Variants in CFAP58 observed in about 807,000 individuals in gnomAD.
CFAP58 encodes the protein cilia and flagella associated protein 58.
In CFAP58, 88 loss-of-function variants were observed where a neutral mutation model predicts 119.5. The observed-to-expected ratio is 0.74, with a 90% CI of 0.62 to 0.88. CFAP58 has a LOEUF of 0.88. Ranked by LOEUF, CFAP58 falls within the 40% of genes least tolerant of loss-of-function variation. The probability of loss-of-function intolerance (pLI) is 0.00; values close to 1 mark genes in which losing one functional copy is unlikely to be tolerated. For missense variants in CFAP58, 990 were observed against 1,021.2 expected, an observed-to-expected ratio of 0.97 and a Z score of 0.42; for synonymous variants, 365 against 366.3, an observed-to-expected ratio of 1.00 and a Z score of 0.04.
chr10:104,408,886 G>A (rs1292196952), intron 15 of CFAP58, among the ~76,000 whole-genome samples: 1 of 152,138 alleles, frequency 6.6e-6, no homozygotes, highest in Non-Finnish European at 1.5e-5. Context: ...GATTGCTTGA[G>A]CTCAGGAGTT....
intron 15 of CFAP58, among the ~76,000 whole-genome samples, chr10:104,444,696 T>G (rs966211289): frequency 3.3e-5 from 5 of 152,134 alleles, no homozygotes; most frequent in Non-Finnish European, 5.9e-5. Context: ...ATCAGACAGG[T>G]TTTCCACTGT....
At chr10:104,356,247 A>G (rs1377257903) in intron 1 of CFAP58, among the ~76,000 whole-genome samples, 2 of 152,234 alleles carry the variant, frequency 1.3e-5, no homozygotes, top group Non-Finnish European at 2.9e-5. Context: ...TTTTGCTTGC[A>G]TGTCATCGTT....
intron 15 of CFAP58, among the ~76,000 whole-genome samples, chr10:104,427,573 C>T (rs926951687): frequency 2.0e-5 from 3 of 152,176 alleles, no homozygotes; most frequent in African/African-American, 7.2e-5. Flanking sequence ...ATTTAGTGCT[C>T]ACACCGATTA....
chr10:104,388,263 C>T (rs578112265), intron 9 of CFAP58, among the ~76,000 whole-genome samples: 19 of 152,226 alleles, frequency 1.2e-4, no homozygotes, highest in South Asian at 4.2e-4. Flanking sequence ...TATTATGTAA[C>T]GTGACGTAGT....
the CFAP58 span, among the ~76,000 whole-genome samples, chr10:104,344,685 G>A: frequency 1.3e-5 from 2 of 151,856 alleles, no homozygotes; most frequent in Non-Finnish European, 2.9e-5. Flanking sequence ...GGTCTCTGCT[G>A]TCCTAGAGGT....
chr10:104,354,049 C>T, intron 1 of CFAP58, 143 bp downstream of exon 1: 2 of 1,042,532 alleles, frequency 1.9e-6, no homozygotes, highest in Non-Finnish European at 2.8e-6. Flanking sequence ...ACTCCCGCGC[C>T]TTTCTCCGTT....
At chr10:104,351,332 C>T (rs1373382506), upstream of CFAP58, among the ~76,000 whole-genome samples, 1 of 152,206 alleles carries the variant, frequency 6.6e-6, no homozygotes, top group Non-Finnish European at 1.5e-5. Flanking sequence ...ATTCATCAAC[C>T]CAACACAGTT....
At chr10:104,395,071 T>A (rs377408758) in intron 11 of CFAP58, among the ~76,000 whole-genome samples, 1 of 152,228 alleles carries the variant, frequency 6.6e-6, no homozygotes. Context: ...TATTACTCCA[T>A]AATGGGGTCC....
In CFAP58 at chr10:104,357,877, G is replaced by GTACATATA. The variant is rs1401475664; in HGVS notation, c.10-460_10-459insTATATACA. ...TATATACACATATATACACATATATGTACACATATATAAACATATATGTAC... is the reference window on the plus strand; with the variant it reads ...TATATACACATATATACACATATATGTACATATATACACATATATAAACATATATGTAC... On this transcript the variant is annotated intron_variant, in intron 1 of 17. Coordinates refer to ENST00000369704, the MANE Select transcript of CFAP58 (RefSeq NM_001008723.2). 3.6e-4 allele frequency among the ~76,000 whole-genome samples: 33 copies of GTACATATA among 90,846 alleles called. No homozygotes were observed. The East Asian group carries it at 6.7e-3, about 18-fold the overall frequency. 59.6% of individuals were successfully genotyped at this position (90,846 alleles called of 152,430 possible).
chr10:104,380,147 A>T lies in CFAP58; in HGVS notation c.1292A>T (p.Gln431Leu). ...AACTACAAGGATGAGGCTCAGAAGC[A>T]GAGAAAGATCATCTTTCATCTGGAA... ...IQNYKDEAQK[Q>L]RKIIFHLEKE... is the part of the protein sequence containing the mutation. Residue 431 changes from glutamine to leucine, a missense_variant, in exon 9 of 18, where the codon CAG becomes CTG. Physicochemically the swap from Gln to Leu is moderately radical, Grantham distance 113. Coordinates refer to ENST00000369704, the MANE Select transcript of CFAP58 (RefSeq NM_001008723.2). 6.2e-7 allele frequency: 1 copy of T among 1,614,194 alleles called. No individual in the cohort carries two copies. The highest frequency in any genetic ancestry group is 1.3e-5 in the African/African-American group (1 of 75,060).
At chr10:104,342,904 A>G in the CFAP58 span, among the ~76,000 whole-genome samples, 1 of 149,718 alleles carries the variant, frequency 6.7e-6, no homozygotes, top group South Asian at 2.1e-4. Context: ...ACTGCAGGGG[A>G]GCTTCACACC....
intron 6 of CFAP58, 142 bp from the exon 7 acceptor site, chr10:104,370,753 G>A (rs771893528): frequency 5.8e-5 from 37 of 635,258 alleles, no homozygotes; most frequent in Non-Finnish European, 9.0e-5. Context: ...AAACCAAATT[G>A]TGTGTGCTTG....
intron 3 of CFAP58, 81 bp downstream of exon 3, chr10:104,362,252 G>T (rs951062830): frequency 2.4e-6 from 3 of 1,257,464 alleles, no homozygotes; most frequent in African/African-American, 1.5e-5. Context: ...GCTTGCCAGT[G>T]TCTTCTTGAA....
At chr10:104,418,326 A>G (rs983419989) in intron 15 of CFAP58, among the ~76,000 whole-genome samples, 1 of 152,184 alleles carries the variant, frequency 6.6e-6, no homozygotes, top group Non-Finnish European at 1.5e-5. Flanking sequence ...AGGCAGGTGG[A>G]TCACGAGGTC....
chr10:104,357,965 GTACACA>G (rs1564876191), intron 1 of CFAP58, among the ~76,000 whole-genome samples: 2 of 91,346 alleles, frequency 2.2e-5, no homozygotes, highest in African/African-American at 2.0e-4. Flanking sequence ...ACACATATAT[GTACACA>G]TATGTACATA....
intron 7 of CFAP58, among the ~76,000 whole-genome samples, chr10:104,373,904 A>T (rs2014855322): frequency 6.6e-6 from 1 of 152,184 alleles, no homozygotes; most frequent in Non-Finnish European, 1.5e-5. Flanking sequence ...AGGCCAGAAA[A>T]GACTCTCGAT....
intron 5 of CFAP58, 46 bp downstream of exon 5, chr10:104,366,054 A>ATGGC: frequency 6.9e-7 from 1 of 1,457,868 alleles, no homozygotes; most frequent in Non-Finnish European, 9.2e-7. Context: ...AAAACCCAGA[A>ATGGC]TGGCACCTTT....
intron 13 of CFAP58, among the ~76,000 whole-genome samples, chr10:104,403,172 C>T (rs1448863287): frequency 1.3e-5 from 2 of 152,208 alleles, no homozygotes; most frequent in South Asian, 2.1e-4. Context: ...GGTAGTTTCC[C>T]CCATGCTGTT....
Position 104,412,384 on chromosome 10 carries a change from T to G in CFAP58, c.2256+5591T>G, listed in dbSNP as rs138312570. ...TTTTCCAGGCCTCCAAAGTTTAATG[T>G]CCTGTCTCAATCCCTTTTAATCAAT... On this transcript the variant is annotated intron_variant, in intron 15 of 17. Transcript: ENST00000369704. Among the ~76,000 whole-genome samples the G allele has an allele frequency of 7.1e-3, 1,077 of 152,194 alleles. 12 individuals carry two copies. Among genetic ancestry groups the G allele is most frequent in the African/African-American group, 0.025 (1,022 of 41,510 alleles).
Sources: allele counts gnomAD v4.1 joint callset (sites outside exome capture counted in the v4.1 genomes callset), GRCh38; gene constraint gnomAD v4.1.1; transcripts MANE v1.5; gene names NCBI Gene and HGNC (gene_info 2026-07-23, HGNC 2026-07-21).